Variants in GC observed in about 807,000 individuals in gnomAD.
GC encodes vitamin D-binding protein.
Under a neutral mutation model 56.7 loss-of-function variants are expected in GC, and 43 were observed. The observed-to-expected ratio is 0.76, with a 90% CI of 0.59 to 0.98. The LOEUF (loss-of-function observed/expected upper bound fraction) is 0.98. Among genes scored for constraint, GC ranks in the 50% least tolerant of loss-of-function variants. The probability of loss-of-function intolerance (pLI) is 0.00; values close to 1 mark genes in which losing one functional copy is unlikely to be tolerated. For missense variants in GC, 529 were observed against 545.9 expected (o/e 0.97, Z 0.31); for synonymous variants, 216 against 202.7 (o/e 1.07, Z -0.56).
chr4:71,763,257 C>T lies in GC; in HGVS notation c.701+151G>A, dbSNP rs184670813. The T allele has an allele frequency of 3.2e-3, 1,351 of 422,140 alleles. 19 individuals are homozygous for T. Among genetic ancestry groups the T allele is most frequent in the African/African-American group, 0.023 (1,111 of 48,894 alleles). 26.1% of individuals were successfully genotyped at this position (422,140 alleles called of 1,614,324 possible). Reference sequence around the variant, plus strand: ...CATAATCTGTATAGAGAAAAGAAAACGAGAATTTGGCCAGATTTTTGGAGA... The same window carrying T: ...CATAATCTGTATAGAGAAAAGAAAATGAGAATTTGGCCAGATTTTTGGAGA... On this transcript the variant is annotated intron_variant, in intron 6 of 12. Transcript: ENST00000273951.
At chr4:71,777,025 T>C (rs900115808) in intron 1 of GC, among the ~76,000 whole-genome samples, 13 of 151,950 alleles carry the variant, frequency 8.6e-5, no homozygotes, top group Non-Finnish European at 1.5e-5. Flanking sequence ...GATTGCATTA[T>C]CTTGTATAGG....
intron 6 of GC, among the ~76,000 whole-genome samples, chr4:71,758,472 A>G (rs1437629125): frequency 6.6e-6 from 1 of 152,214 alleles, no homozygotes; most frequent in Non-Finnish European, 1.5e-5. Flanking sequence ...TGAAGAAGTC[A>G]CAAATGTCTC....
chr4:71,769,906 G>A (rs1333652425), intron 1 of GC, among the ~76,000 whole-genome samples: 2 of 152,152 alleles, frequency 1.3e-5, no homozygotes, highest in Non-Finnish European at 2.9e-5. Context: ...CTTTAAAGGA[G>A]GTACAGGAGA....
At chr4:71,778,921 ATTG>A (rs1456118264) in intron 1 of GC, among the ~76,000 whole-genome samples, 4,056 of 148,268 alleles carry the variant, frequency 0.027, 202 homozygotes, top group African/African-American at 0.094. Flanking sequence ...TATTATTATT[ATTG>A]GCTAAATCCA....
At chr4:71,751,256 G>A (rs919167184) in intron 11 of GC, among the ~76,000 whole-genome samples, 2 of 152,112 alleles carry the variant, frequency 1.3e-5, no homozygotes, top group Non-Finnish European at 1.5e-5. Flanking sequence ...AGAAATCTTA[G>A]CATAAGACAC....
In GC at chr4:71,766,425, G is replaced by A. The variant is rs187240299; in HGVS notation, c.262-782C>T. ...CAGACTAAGCACCATCAAAACAATC[G>A]TAGCATCAAAATGTTCTTTTTGGAA... On this transcript the variant is annotated intron_variant, in intron 3 of 12. Coordinates refer to ENST00000273951, the MANE Select transcript of GC (RefSeq NM_000583.4). Among the ~76,000 whole-genome samples, 54 of 152,088 alleles carry A rather than the reference G, an allele frequency of 3.6e-4. 1 individual carries two copies. The Middle Eastern group carries it at 0.017, about 48-fold the overall frequency.
intron 1 of GC, among the ~76,000 whole-genome samples, chr4:71,797,064 T>A (rs938334018): frequency 2.0e-5 from 3 of 152,188 alleles, no homozygotes; most frequent in African/African-American, 7.2e-5. Flanking sequence ...GGAAGCTTTG[T>A]CCCAGAGGGG....
chr4:71,779,323 G>T (rs1742602291), intron 1 of GC, among the ~76,000 whole-genome samples: 1 of 151,804 alleles, frequency 6.6e-6, no homozygotes, highest in Admixed American at 6.6e-5. Flanking sequence ...CAAATAAGGG[G>T]ATAGAAGATA....
intron 8 of GC, among the ~76,000 whole-genome samples, chr4:71,755,891 C>A (rs1741753217): frequency 6.6e-6 from 1 of 152,220 alleles, no homozygotes. Flanking sequence ...TCCTATGTAA[C>A]TTCTACCATC....
chr4:71,746,051 T>A (rs1741351954), intron 12 of GC, 100 bp downstream of exon 12: 1 of 663,442 alleles, frequency 1.5e-6, no homozygotes, highest in Non-Finnish European at 2.7e-6. Flanking sequence ...TTTGAACAGA[T>A]AAGAATAAAT....
chr4:71,744,389 G>A (rs1578275926), intron 12 of GC, among the ~76,000 whole-genome samples: 1 of 149,092 alleles, frequency 6.7e-6, no homozygotes, highest in East Asian at 2.0e-4. Context: ...AACCCAGGAG[G>A]CGGTGCTTGC....
chr4:71,741,943 C>G, intron 12 of GC, 73 bp from the exon 13 acceptor site: 1 of 701,976 alleles, frequency 1.4e-6, no homozygotes, highest in South Asian at 1.5e-5. Flanking sequence ...TATTGCTCAA[C>G]AGACGCATAT....
chr4:71,789,153 G>A lies in GC; in HGVS notation c.22-5099C>T, dbSNP rs1055756319. On this transcript the variant is annotated intron_variant, in intron 1 of 13. Transcript: ENST00000504199. Reference sequence around the variant, plus strand: ...GTGATAAAGAGAAAATGAGAGAATCGAGAAAAGAAGAGAATAAAAGATAAA... The same window carrying A: ...GTGATAAAGAGAAAATGAGAGAATCAAGAAAAGAAGAGAATAAAAGATAAA... 2.0e-5 allele frequency among the ~76,000 whole-genome samples: 3 copies of A among 151,572 alleles called. No homozygotes were observed. In the East Asian group the frequency reaches 5.8e-4, roughly 30 times the overall value.
intron 4 of GC, among the ~76,000 whole-genome samples, chr4:71,764,442 T>C (rs1207216108): frequency 1.3e-5 from 2 of 152,178 alleles, no homozygotes; most frequent in Non-Finnish European, 2.9e-5. Context: ...GATTTACAAA[T>C]TTCTATGTGG....
At chr4:71,803,869 TA>T in intron 1 of GC, 1 of 968,282 alleles carries the variant, frequency 1.0e-6, no homozygotes, top group Non-Finnish European at 1.6e-6. Context: ...ATAAGGAAAC[TA>T]AAGCTCAGAG....
intron 1 of GC, among the ~76,000 whole-genome samples, chr4:71,798,348 C>G (rs939276336): frequency 1.7e-4 from 26 of 152,128 alleles, no homozygotes; most frequent in African/African-American, 6.3e-4. Context: ...TGATTTTTAT[C>G]TGAACTATGA....
intron 8 of GC, 109 bp downstream of exon 8, chr4:71,756,603 C>T: frequency 2.9e-6 from 2 of 695,602 alleles, no homozygotes; most frequent in Non-Finnish European, 5.2e-6. Flanking sequence ...TAGTACTTTG[C>T]CTATGTTTGA....
intron 1 of GC, among the ~76,000 whole-genome samples, chr4:71,782,194 T>A (rs987624371): frequency 1.3e-5 from 2 of 151,748 alleles, no homozygotes; most frequent in Admixed American, 1.3e-4. Context: ...TCTCTAGAAC[T>A]ATAACAGGCA....
intron 1 of GC, among the ~76,000 whole-genome samples, chr4:71,789,746 A>G (rs935978099): frequency 4.6e-5 from 7 of 151,944 alleles, no homozygotes; most frequent in East Asian, 1.9e-4. Flanking sequence ...TTTAAAATAC[A>G]GGGATTTTCC....
Sources: allele counts gnomAD v4.1 joint callset (sites outside exome capture counted in the v4.1 genomes callset), GRCh38; gene constraint gnomAD v4.1.1; transcripts MANE v1.5; gene names NCBI Gene and HGNC (gene_info 2026-07-23, HGNC 2026-07-21).